NCOA1: variants seen among roughly 807,000 people sequenced by gnomAD.
The protein encoded by NCOA1 is nuclear receptor coactivator 1, also known as Hin-2 protein.
Under a neutral mutation model 150.9 loss-of-function variants are expected in NCOA1, and 35 were observed. The ratio of observed to expected loss-of-function variants is 0.23; its 90% CI spans 0.18 to 0.31. NCOA1 has a LOEUF of 0.31. NCOA1 is among the 10% of genes least tolerant of loss of function. The pLI, the probability that NCOA1 is intolerant of heterozygous loss-of-function variation, is 1.00. For synonymous variants in NCOA1, 590 were observed against 630.0 expected, an observed-to-expected ratio of 0.94 and a Z score of 0.95; for missense variants, 1,491 against 1,749.3, an observed-to-expected ratio of 0.85 and a Z score of 2.63.
At chr2:24,754,395 C>T (rs1460072612) in intron 20 of NCOA1, among the ~76,000 whole-genome samples, 1 of 152,208 alleles carries the variant, frequency 6.6e-6, no homozygotes, top group Non-Finnish European at 1.5e-5. Context: ...TCTCACCGCT[C>T]ACTCTGCCAC....
At chr2:24,492,104 C>T (rs1319229205) in intron 1 of NCOA1, 2 of 152,306 alleles carry the variant, frequency 1.3e-5, no homozygotes, top group African/African-American at 4.8e-5. Context: ...CGCGGCGTCC[C>T]TCTCCGTCGG....
At chr2:24,531,147 A>G (rs950511162) in intron 1 of NCOA1, among the ~76,000 whole-genome samples, 3 of 152,254 alleles carry the variant, frequency 2.0e-5, no homozygotes, top group African/African-American at 7.2e-5. Flanking sequence ...GTAGGAATGT[A>G]GATTAGTGCA....
intron 10 of NCOA1, among the ~76,000 whole-genome samples, 176 bp downstream of exon 10, chr2:24,693,523 T>C (rs1164818873): frequency 6.6e-6 from 1 of 152,212 alleles, no homozygotes; most frequent in Non-Finnish European, 1.5e-5. Flanking sequence ...GATACTATGA[T>C]CATTATCATG....
chr2:24,736,432 C>T (rs916792248), intron 17 of NCOA1, among the ~76,000 whole-genome samples: 4 of 151,940 alleles, frequency 2.6e-5, no homozygotes, highest in African/African-American at 7.3e-5. Flanking sequence ...AGTCCAGATA[C>T]GTATGTGTTA....
chr2:24,679,396 A>G (rs539914049), intron 7 of NCOA1, among the ~76,000 whole-genome samples: 9 of 152,360 alleles, frequency 5.9e-5, no homozygotes, highest in East Asian at 1.9e-4. Context: ...AGATGCTTCT[A>G]TATTCATAGG....
At chr2:24,620,650 G>A (rs540303642) in intron 3 of NCOA1, among the ~76,000 whole-genome samples, 1 of 152,186 alleles carries the variant, frequency 6.6e-6, no homozygotes, top group East Asian at 1.9e-4. Context: ...GTCTTTCTGG[G>A]AATATGCAAA....
chr2:24,542,190 T>C (rs1319800125), intron 1 of NCOA1, among the ~76,000 whole-genome samples: 1 of 152,182 alleles, frequency 6.6e-6, no homozygotes, highest in Non-Finnish European at 1.5e-5. Flanking sequence ...ACAGAGATGA[T>C]GCATAAGTAG....
chr2:24,523,924 CAAAAAAAAAAAAAAAA>C (rs70947825), intron 1 of NCOA1, among the ~76,000 whole-genome samples: 1 of 49,522 alleles, frequency 2.0e-5, no homozygotes, highest in Non-Finnish European at 3.2e-5. Flanking sequence ...GACTCTGTCT[CAAAAAAAAAAAAAAAA>C]AAAAAAAAAA....
chr2:24,523,678 A>G (rs1664528517), intron 1 of NCOA1, among the ~76,000 whole-genome samples: 1 of 147,474 alleles, frequency 6.8e-6, no homozygotes, highest in Admixed American at 6.9e-5. Flanking sequence ...TTGTAATCCC[A>G]GCACTTTCGG....
At chr2:24,739,649 T>C (rs1411333732) in intron 18 of NCOA1, 116 bp downstream of exon 18, 1 of 660,738 alleles carries the variant, frequency 1.5e-6, no homozygotes, top group Non-Finnish European at 2.5e-6. Context: ...ATGATGTTTG[T>C]AGTGTAGTTT....
chr2:24,660,388 G>A (rs984048004), intron 5 of NCOA1, among the ~76,000 whole-genome samples: 1 of 151,730 alleles, frequency 6.6e-6, no homozygotes, highest in Non-Finnish European at 1.5e-5. Context: ...GCATAATCCT[G>A]TTTAAAAGTA....
intron 1 of NCOA1, among the ~76,000 whole-genome samples, chr2:24,514,657 C>A (rs1476967964): frequency 6.6e-6 from 1 of 151,464 alleles, no homozygotes; most frequent in African/African-American, 2.4e-5. Flanking sequence ...CGAAAACTAG[C>A]CGATTGTGTT....
At chr2:24,522,419 A>T (rs888529190) in intron 1 of NCOA1, among the ~76,000 whole-genome samples, 2 of 152,216 alleles carry the variant, frequency 1.3e-5, no homozygotes, top group Non-Finnish European at 2.9e-5. Context: ...AAAAATGAAG[A>T]AAATATGGAC....
intron 3 of NCOA1, among the ~76,000 whole-genome samples, chr2:24,608,696 GTTGTTGTGTTTTTTTTT>G (rs1414925156): frequency 8.8e-6 from 1 of 113,326 alleles, no homozygotes; most frequent in African/African-American, 3.4e-5. Flanking sequence ...TTTTCTTGTT[GTTGTTGTGTTTTTTTTT>G]TTTTTTTTTC....
intron 17 of NCOA1, among the ~76,000 whole-genome samples, chr2:24,731,240 A>G (rs1316388709): frequency 5.3e-5 from 8 of 152,236 alleles, no homozygotes; most frequent in Non-Finnish European, 2.9e-5. Flanking sequence ...GAAAGGCAGT[A>G]TGATGTAATG....
intron 3 of NCOA1, among the ~76,000 whole-genome samples, chr2:24,635,807 A>G (rs1558860435): frequency 1.3e-5 from 2 of 152,186 alleles, no homozygotes; most frequent in African/African-American, 4.8e-5. Context: ...TAGTTTAACT[A>G]TAAGCCAATA....
chr2:24,697,863 A>G (rs1052470866), intron 11 of NCOA1, 65 bp downstream of exon 11: 1 of 1,443,168 alleles, frequency 6.9e-7, no homozygotes, highest in Non-Finnish European at 9.5e-7. Flanking sequence ...AATAGTTCGT[A>G]TAGAACTTAT....
At position 24,665,985 on chromosome 2, in the gene NCOA1, T is replaced by TTTATTA. The variant is rs142101398; in HGVS notation, c.256+88_256+93dup. ...AGACATTTATAATATGTGATTTTAC[T>TTTATTA]TTATTATTATTATTATTATTATTTT... On this transcript the variant is annotated intron_variant, in intron 6 of 22. Transcript: ENST00000348332. The TTTATTA allele has an allele frequency of 1.3e-5, 10 of 792,986 alleles. No individual in the cohort carries two copies. The African/African-American group carries it at 1.3e-4, about 10-fold the overall frequency. The allele number at this position is 792,986 out of a possible 1,614,324, so 49.1% of individuals were successfully genotyped here.
At chr2:24,637,162 A>C (rs1669974900) in intron 3 of NCOA1, among the ~76,000 whole-genome samples, 1 of 150,542 alleles carries the variant, frequency 6.6e-6, no homozygotes, top group African/African-American at 2.4e-5. Flanking sequence ...TACATGTGCC[A>C]TGCTGGTGTG....
Sources: allele counts gnomAD v4.1 joint callset (sites outside exome capture counted in the v4.1 genomes callset), GRCh38; gene constraint gnomAD v4.1.1; transcripts MANE v1.5; gene names NCBI Gene and HGNC (gene_info 2026-07-23, HGNC 2026-07-21).